The following IGF2BP3 variants were observed in gnomAD, a reference collection of about 807,000 sequenced individuals.
The protein encoded by IGF2BP3 is insulin-like growth factor 2 mRNA-binding protein 3.
Under a neutral mutation model 73.8 loss-of-function variants are expected in IGF2BP3, and 9 were observed. That is an observed-to-expected ratio of 0.12 (90% CI 0.07 to 0.21). The LOEUF (loss-of-function observed/expected upper bound fraction) is 0.21. Among genes scored for constraint, IGF2BP3 ranks in the 10% least tolerant of loss-of-function variants. The pLI is 1.00. For missense variants in IGF2BP3, 542 were observed against 714.0 expected (o/e 0.76, Z 2.75); for synonymous variants, 258 against 256.7 (o/e 1.01, Z -0.05).
chr7:23,323,678 C>G (rs1267636396), intron 10 of IGF2BP3, among the ~76,000 whole-genome samples: 2 of 152,096 alleles, frequency 1.3e-5, no homozygotes, highest in African/African-American at 2.4e-5. Context: ...AAGTAAAGCT[C>G]TCCTCAGCAA....
chr7:23,424,274 G>A (rs534513939), intron 2 of IGF2BP3, among the ~76,000 whole-genome samples: 7 of 151,484 alleles, frequency 4.6e-5, no homozygotes, highest in African/African-American at 1.2e-4. Context: ...TGAGGTCGGG[G>A]GAATCATTAG....
At chr7:23,355,387 A>C (rs1785070319) in intron 5 of IGF2BP3, among the ~76,000 whole-genome samples, 1 of 151,736 alleles carries the variant, frequency 6.6e-6, no homozygotes, top group South Asian at 2.1e-4. Context: ...ACACCCAGCT[A>C]ATTTTGTATT....
rs535710446 is a variant in IGF2BP3 at position 23,418,334 on chromosome 7, T to C, written c.285+442A>G. 7.1e-4 allele frequency among the ~76,000 whole-genome samples: 108 copies of C among 152,342 alleles called. 1 individual carries two copies. The highest frequency in any genetic ancestry group is 2.5e-3 in the African/African-American group (103 of 41,588). ...TCAATTGTGCTAAATAGTTTGTGTT[T>C]ATGCATATTACACAATCAGTGCAGT... On this transcript the variant is annotated intron_variant, in intron 3 of 14. Coordinates refer to ENST00000258729, the MANE Select transcript of IGF2BP3 (RefSeq NM_006547.3).
At chr7:23,417,839 G>A (rs908386892) in intron 3 of IGF2BP3, among the ~76,000 whole-genome samples, 1 of 152,060 alleles carries the variant, frequency 6.6e-6, no homozygotes, top group Non-Finnish European at 1.5e-5. Flanking sequence ...TATATTTTTA[G>A]TGCATTATAT....
intron 3 of IGF2BP3, among the ~76,000 whole-genome samples, chr7:23,393,973 T>C (rs992563356): frequency 2.6e-5 from 4 of 152,134 alleles, no homozygotes; most frequent in Admixed American, 6.5e-5. Flanking sequence ...CACAAATCCA[T>C]AATGCTTTCA....
At chr7:23,458,331 A>G (rs544422778) in intron 2 of IGF2BP3, among the ~76,000 whole-genome samples, 41 of 152,284 alleles carry the variant, frequency 2.7e-4, no homozygotes, top group African/African-American at 9.1e-4. Flanking sequence ...CAACAAAGAC[A>G]CATGTGGCAA....
chr7:23,400,195 T>C (rs1269042878), intron 3 of IGF2BP3, among the ~76,000 whole-genome samples: 1 of 152,242 alleles, frequency 6.6e-6, no homozygotes, highest in Non-Finnish European at 1.5e-5. Context: ...TCCAAAGTAT[T>C]ATATTACTTT....
At chr7:23,428,471 C>CA (rs1188191609) in intron 2 of IGF2BP3, among the ~76,000 whole-genome samples, 2 of 145,742 alleles carry the variant, frequency 1.4e-5, no homozygotes, top group Admixed American at 1.4e-4. Flanking sequence ...GACTCCGTCT[C>CA]AAAAAAAGAA....
At chr7:23,401,563 G>A (rs146485521) in intron 3 of IGF2BP3, among the ~76,000 whole-genome samples, 275 of 151,810 alleles carry the variant, frequency 1.8e-3, no homozygotes, top group African/African-American at 6.2e-3. Flanking sequence ...TCAGGAGTTC[G>A]AGACCAGCCT....
chr7:23,378,224 A>T (rs1225528962), intron 3 of IGF2BP3, among the ~76,000 whole-genome samples: 1 of 152,174 alleles, frequency 6.6e-6, no homozygotes, highest in Non-Finnish European at 1.5e-5. Flanking sequence ...TAGTCACGGA[A>T]TAATGTTGCC....
At chr7:23,377,635 A>T (rs1342756573) in intron 3 of IGF2BP3, among the ~76,000 whole-genome samples, 2 of 152,230 alleles carry the variant, frequency 1.3e-5, no homozygotes, top group Non-Finnish European at 2.9e-5. Context: ...AAAAGAACTG[A>T]AAATCTATGT....
At chr7:23,423,409 A>T (rs887079326) in intron 2 of IGF2BP3, among the ~76,000 whole-genome samples, 4 of 152,268 alleles carry the variant, frequency 2.6e-5, no homozygotes, top group Admixed American at 6.5e-5. Context: ...TTACAAGTCA[A>T]GAAAAGGTAT....
chr7:23,339,136 A>T lies in IGF2BP3; in HGVS notation c.1203+2928T>A, dbSNP rs538731241. ...GGCAGCTTCTGCAACTTCTGTTCTC[A>T]TTTGCTCCTTCTAATTGCACCTATT... is the stretch of plus-strand genomic sequence containing the variant. On this transcript the variant is annotated intron_variant, in intron 10 of 14. Transcript: ENST00000258729. Among the ~76,000 whole-genome samples, 3 of 152,342 alleles carry T rather than the reference A, an allele frequency of 2.0e-5. No individual in the cohort carries two copies. The East Asian group carries it at 5.8e-4, about 29-fold the overall frequency.
Position 23,318,988 on chromosome 7 carries a change from G to A in IGF2BP3, c.1320+150C>T. 3 of 594,158 alleles carry A rather than the reference G, an allele frequency of 5.0e-6. 1 individual carries two copies. In the South Asian group the frequency reaches 6.6e-5, roughly 13 times the overall value. The allele number at this position is 594,158 out of a possible 1,614,324, so 36.8% of individuals were successfully genotyped here. On this transcript the variant is annotated intron_variant, in intron 11 of 14. Transcript: ENST00000258729. ...GCACAGAGAAGTTAGCCTCCTTGGTGTAAGCCACTGTTGTTTGGGGGTTTC... is the reference window on the plus strand; with the variant it reads ...GCACAGAGAAGTTAGCCTCCTTGGTATAAGCCACTGTTGTTTGGGGGTTTC...
chr7:23,402,702 T>G (rs1383277455), intron 3 of IGF2BP3: 1 of 152,238 alleles, frequency 6.6e-6, no homozygotes, highest in Non-Finnish European at 1.5e-5. Context: ...ATTTTATGTC[T>G]GTTGAATCTA....
chr7:23,407,279 T>A, intron 3 of IGF2BP3, among the ~76,000 whole-genome samples: 1 of 147,388 alleles, frequency 6.8e-6, no homozygotes, highest in African/African-American at 2.5e-5. Context: ...TGAAGAACAC[T>A]ATAATTACTG....
intron 3 of IGF2BP3, among the ~76,000 whole-genome samples, chr7:23,395,378 T>G (rs1326924349): frequency 6.6e-6 from 1 of 151,994 alleles, no homozygotes; most frequent in Non-Finnish European, 1.5e-5. Flanking sequence ...AGATTTCCAT[T>G]TGCCACCACC....
intron 3 of IGF2BP3, chr7:23,414,785 C>G (rs1052202654): frequency 5.7e-6 from 1 of 175,860 alleles, no homozygotes; most frequent in Non-Finnish European, 1.2e-5. Flanking sequence ...AGATGACATG[C>G]TCTTGCCCGT....
chr7:23,329,137 C>T (rs1048272088), intron 10 of IGF2BP3, among the ~76,000 whole-genome samples: 3 of 151,600 alleles, frequency 2.0e-5, no homozygotes, highest in East Asian at 3.9e-4. Context: ...GGCATGAACC[C>T]GGAAGGTGGA....
Sources: allele counts gnomAD v4.1 joint callset (sites outside exome capture counted in the v4.1 genomes callset), GRCh38; gene constraint gnomAD v4.1.1; transcripts MANE v1.5; gene names NCBI Gene and HGNC (gene_info 2026-07-23, HGNC 2026-07-21).